Variants in SHISAL1 observed in about 807,000 individuals in gnomAD.
SHISAL1 encodes the protein protein shisa-like-1.
SHISAL1 carries 9 observed loss-of-function variants against 22.6 expected under a neutral mutation model. That is an observed-to-expected ratio of 0.40 (90% CI 0.24 to 0.70). The LOEUF (loss-of-function observed/expected upper bound fraction) is 0.70, where lower values mean the gene tolerates loss of function less well. Among genes scored for constraint, SHISAL1 ranks in the 30% least tolerant of loss-of-function variants. The pLI is 0.39. For missense variants in SHISAL1, 246 were observed against 270.6 expected, an observed-to-expected ratio of 0.91 and a Z score of 0.64; for synonymous variants, 119 against 115.4, an observed-to-expected ratio of 1.03 and a Z score of -0.20.
intron 1 of SHISAL1, among the ~76,000 whole-genome samples, chr22:44,302,574 AC>A (rs373436763): frequency 6.6e-6 from 1 of 152,342 alleles, no homozygotes; most frequent in African/African-American, 2.4e-5. Context: ...GGGAGAGGCC[AC>A]GTGGCTGTCT....
At chr22:44,261,469 C>G (rs1229706261) in intron 4 of SHISAL1, among the ~76,000 whole-genome samples, 1 of 152,146 alleles carries the variant, frequency 6.6e-6, no homozygotes, top group African/African-American at 2.4e-5. Flanking sequence ...TAGAGATGAC[C>G]ATGGCCTCAA....
chr22:44,292,685 C>A (rs980755239), intron 3 of SHISAL1, among the ~76,000 whole-genome samples: 1 of 152,208 alleles, frequency 6.6e-6, no homozygotes, highest in Non-Finnish European at 1.5e-5. Context: ...CTGCATCCCG[C>A]TCCCCAAGGC....
Position 44,290,810 on chromosome 22 carries a change from G to A in SHISAL1, c.282-5065C>T, listed in dbSNP as rs574171166. 3.3e-5 allele frequency among the ~76,000 whole-genome samples: 5 copies of A among 152,308 alleles called. No homozygotes were observed. The South Asian group carries it at 8.3e-4, about 25-fold the overall frequency. ...GGGCCTGGAGAGAGACAGACCCCTG[G>A]AATGCTGGCTCGTGTGATTAAGGCA... On this transcript the variant is annotated intron_variant, in intron 3 of 4. Coordinates refer to ENST00000381176, the MANE Select transcript of SHISAL1 (RefSeq NM_001099294.2).
At chr22:44,326,651 G>C in the SHISAL1 span, among the ~76,000 whole-genome samples, 1 of 152,220 alleles carries the variant, frequency 6.6e-6, no homozygotes, top group Non-Finnish European at 1.5e-5. Flanking sequence ...CATCTGTTGG[G>C]GTAGGTGTGC....
intron 1 of SHISAL1, among the ~76,000 whole-genome samples, chr22:44,302,301 T>C (rs796905387): frequency 1.5e-3 from 211 of 142,208 alleles, no homozygotes; most frequent in African/African-American, 4.4e-3. Flanking sequence ...GATCACGCCA[T>C]TGCACTCCAG....
intron 4 of SHISAL1, among the ~76,000 whole-genome samples, chr22:44,262,654 C>T (rs1569209842): frequency 6.6e-6 from 1 of 152,214 alleles, no homozygotes. Flanking sequence ...CAGGGCCACA[C>T]GGCCAGCCCC....
At chr22:44,323,069 C>T in the SHISAL1 span, among the ~76,000 whole-genome samples, 2,904 of 143,146 alleles carry the variant, frequency 0.02, 73 homozygotes, top group East Asian at 0.091. Flanking sequence ...ACCCACCTCA[C>T]CCACCCATCC....
the SHISAL1 span, among the ~76,000 whole-genome samples, chr22:44,329,891 G>T: frequency 2.6e-5 from 4 of 152,222 alleles, no homozygotes; most frequent in Non-Finnish European, 5.9e-5. Context: ...TAGGTGAAAA[G>T]TCCCAATGGT....
chr22:44,320,693 C>T, the SHISAL1 span, among the ~76,000 whole-genome samples: 1 of 152,220 alleles, frequency 6.6e-6, no homozygotes, highest in Non-Finnish European at 1.5e-5. Context: ...GGCCCAGCTC[C>T]AGCCGATGTC....
At chr22:44,321,095 T>A in the SHISAL1 span, among the ~76,000 whole-genome samples, 1 of 152,086 alleles carries the variant, frequency 6.6e-6, no homozygotes, top group South Asian at 2.1e-4. Context: ...GGATTAGCAA[T>A]GTCTAATGGT....
intron 1 of SHISAL1, among the ~76,000 whole-genome samples, chr22:44,301,412 G>A (rs1410331374): frequency 2.0e-5 from 3 of 152,146 alleles, no homozygotes; most frequent in African/African-American, 2.4e-5. Flanking sequence ...AAGTATGCAC[G>A]GAGCCAGGCA....
intron 2 of SHISAL1, among the ~76,000 whole-genome samples, chr22:44,299,490 GC>G (rs2055410957): frequency 6.6e-6 from 1 of 152,240 alleles, no homozygotes; most frequent in Non-Finnish European, 1.5e-5. Context: ...AGCATGGGAA[GC>G]ATCTGGGGTG....
At chr22:44,295,044 C>A (rs1175471024) in intron 3 of SHISAL1, among the ~76,000 whole-genome samples, 2 of 152,086 alleles carry the variant, frequency 1.3e-5, no homozygotes, top group Non-Finnish European at 2.9e-5. Flanking sequence ...AAAATACTAA[C>A]TGGATTTTTT....
the SHISAL1 span, among the ~76,000 whole-genome samples, chr22:44,328,119 G>A: frequency 5.2e-3 from 787 of 152,270 alleles, 8 homozygotes; most frequent in African/African-American, 0.018. Flanking sequence ...GCATAAGGCA[G>A]GCCAGGCTCT....
intron 4 of SHISAL1, among the ~76,000 whole-genome samples, chr22:44,268,793 G>A (rs985353193): frequency 5.9e-5 from 9 of 152,164 alleles, no homozygotes; most frequent in African/African-American, 1.9e-4. Flanking sequence ...GTAAGCACCT[G>A]GGGGCAGGGA....
chr22:44,298,500 A>T (rs1278874214), intron 2 of SHISAL1, among the ~76,000 whole-genome samples: 8 of 152,242 alleles, frequency 5.3e-5, no homozygotes, highest in Non-Finnish European at 1.0e-4. Flanking sequence ...GGCAAGGGGC[A>T]GAGGCAGCTA....
At chr22:44,289,378 T>C (rs534118268) in intron 3 of SHISAL1, among the ~76,000 whole-genome samples, 79 of 152,308 alleles carry the variant, frequency 5.2e-4, no homozygotes, top group African/African-American at 1.2e-3. Flanking sequence ...GTGTGCCTGC[T>C]TGTCCCGGCC....
chr22:44,323,565 A>G, the SHISAL1 span, among the ~76,000 whole-genome samples: 5 of 116,356 alleles, frequency 4.3e-5, no homozygotes, highest in African/African-American at 1.7e-4. Context: ...TCCATCCACC[A>G]TCCATCCATC....
At chr22:44,254,835 T>C (rs1426976106) in intron 4 of SHISAL1, among the ~76,000 whole-genome samples, 1 of 152,050 alleles carries the variant, frequency 6.6e-6, no homozygotes, top group Non-Finnish European at 1.5e-5. Context: ...CTCTGCACTT[T>C]TGCTCTCCAG....
Sources: gnomAD v4.1 joint callset for allele counts (sites outside exome capture counted in the v4.1 genomes callset) on GRCh38, gnomAD v4.1.1 for gene constraint, MANE v1.5 for transcripts, NCBI Gene and HGNC (gene_info 2026-07-23, HGNC 2026-07-21) for gene names.